The following STXBP5L variants were observed in gnomAD, a reference collection of about 807,000 sequenced individuals.
STXBP5L encodes the protein syntaxin-binding protein 5-like.
A neutral mutation model predicts 144.5 loss-of-function variants in STXBP5L; 65 were observed. The observed-to-expected ratio is 0.45, with a 90% CI of 0.37 to 0.55. The LOEUF is 0.55. Among genes scored for constraint, STXBP5L ranks in the 20% least tolerant of loss-of-function variants. The pLI is 0.00. For missense variants in STXBP5L, 1,298 were observed against 1,405.5 expected (o/e 0.92, Z 1.22); for synonymous variants, 505 against 469.6 (o/e 1.08, Z -0.97).
Position 120,908,350 on chromosome 3 carries a change from G to C in STXBP5L, c.-9+16G>C, listed in dbSNP as rs1361832456. 1 of 154,212 alleles carries C rather than the reference G, an allele frequency of 6.5e-6. No individual in the cohort carries two copies. The highest frequency in any genetic ancestry group is 1.4e-5 in the Non-Finnish European group (1 of 69,542). The allele number at this position is 154,212 out of a possible 1,614,324, so 9.6% of individuals were successfully genotyped here. On this transcript the variant is annotated intron_variant, in intron 1 of 26. Transcript: ENST00000471454. ...TCTGAGGAAGGTGCCTAAGTCCTGG[G>C]TCAGATAGTCATCCCTCTGGGACGC...
intron 5 of STXBP5L, among the ~76,000 whole-genome samples, chr3:121,087,340 A>C (rs965406236): frequency 6.6e-6 from 1 of 151,950 alleles, no homozygotes; most frequent in African/African-American, 2.4e-5. Context: ...GTCATGTTTT[A>C]TTTAATGTAT....
At chr3:121,338,210 C>G (rs753810114) in intron 20 of STXBP5L, among the ~76,000 whole-genome samples, 13 of 151,770 alleles carry the variant, frequency 8.6e-5, no homozygotes, top group Non-Finnish European at 1.9e-4. Flanking sequence ...AAGATCAGAG[C>G]AGAACTAAAT....
intron 22 of STXBP5L, among the ~76,000 whole-genome samples, chr3:121,384,722 G>GT (rs560773021): frequency 6.6e-5 from 10 of 151,224 alleles, no homozygotes; most frequent in East Asian, 1.9e-4. Flanking sequence ...AAAACATTGG[G>GT]TTTTTTTTCA....
chr3:121,121,604 T>G, intron 6 of STXBP5L, 37 bp from the exon 7 acceptor site: 1 of 1,484,082 alleles, frequency 6.7e-7, no homozygotes, highest in Non-Finnish European at 9.3e-7. Context: ...TATTTTAATG[T>G]TTGGTTTTTA....
At chr3:121,087,987 T>C (rs2042582758) in intron 5 of STXBP5L, among the ~76,000 whole-genome samples, 1 of 152,134 alleles carries the variant, frequency 6.6e-6, no homozygotes. Flanking sequence ...AATTTTATTG[T>C]TTTTCCCTAT....
intron 3 of STXBP5L, among the ~76,000 whole-genome samples, chr3:121,025,286 C>T (rs1281347610): frequency 6.6e-6 from 1 of 152,008 alleles, no homozygotes; most frequent in African/African-American, 2.4e-5. Context: ...AAAATGATTC[C>T]TTGGACAGCT....
At chr3:121,222,589 C>G (rs1056107052) in intron 10 of STXBP5L, among the ~76,000 whole-genome samples, 1 of 149,784 alleles carries the variant, frequency 6.7e-6, no homozygotes, top group Non-Finnish European at 1.5e-5. Flanking sequence ...TGTCTCTTTT[C>G]TCTTGTACAG....
chr3:120,955,634 G>T (rs1166686335), intron 3 of STXBP5L, among the ~76,000 whole-genome samples: 1 of 151,896 alleles, frequency 6.6e-6, no homozygotes, highest in Non-Finnish European at 1.5e-5. Flanking sequence ...ATAATACAGA[G>T]ATATCCATAT....
chr3:121,004,653 T>G (rs568168573), intron 3 of STXBP5L, among the ~76,000 whole-genome samples: 2 of 152,194 alleles, frequency 1.3e-5, no homozygotes, highest in South Asian at 4.1e-4. Flanking sequence ...ATGCTTCCAG[T>G]TTTTGCCCAT....
intron 2 of STXBP5L, among the ~76,000 whole-genome samples, chr3:120,914,695 C>T (rs1432001106): frequency 6.6e-6 from 1 of 152,034 alleles, no homozygotes; most frequent in Non-Finnish European, 1.5e-5. Flanking sequence ...ATAAAGTTTT[C>T]ATCCATAAAA....
chr3:120,931,659 G>A (rs1709944875), intron 2 of STXBP5L, among the ~76,000 whole-genome samples: 1 of 152,064 alleles, frequency 6.6e-6, no homozygotes, highest in African/African-American at 2.4e-5. Context: ...TTAAGAACTA[G>A]ATAAGAAAAA....
At chr3:121,404,350 C>T (rs2046949551) in intron 22 of STXBP5L, among the ~76,000 whole-genome samples, 1 of 152,128 alleles carries the variant, frequency 6.6e-6, no homozygotes, top group African/African-American at 2.4e-5. Flanking sequence ...CCACACAGTT[C>T]AACCAAGCCT....
chr3:121,075,309 G>T (rs758707229), intron 5 of STXBP5L, among the ~76,000 whole-genome samples: 4 of 152,080 alleles, frequency 2.6e-5, no homozygotes, highest in Non-Finnish European at 5.9e-5. Context: ...TTCTGGCTTA[G>T]CTTACTGGTT....
At chr3:121,011,244 G>A (rs1275959582) in intron 3 of STXBP5L, among the ~76,000 whole-genome samples, 1 of 150,982 alleles carries the variant, frequency 6.6e-6, no homozygotes, top group Non-Finnish European at 1.5e-5. Flanking sequence ...CTAGAAAAGT[G>A]TCTCTGAATC....
At chr3:121,050,846 T>G (rs369815999) in intron 5 of STXBP5L, among the ~76,000 whole-genome samples, 3 of 152,044 alleles carry the variant, frequency 2.0e-5, no homozygotes, top group East Asian at 1.9e-4. Flanking sequence ...ACCCATCTCA[T>G]GTGCAGAGAC....
intron 5 of STXBP5L, among the ~76,000 whole-genome samples, chr3:121,097,500 G>C (rs1041332564): frequency 6.6e-6 from 1 of 152,320 alleles, no homozygotes; most frequent in African/African-American, 2.4e-5. Context: ...GACAAATGCA[G>C]TATCTGGGCT....
At chr3:120,913,809 G>A (rs1164733253) in intron 2 of STXBP5L, among the ~76,000 whole-genome samples, 5 of 151,962 alleles carry the variant, frequency 3.3e-5, no homozygotes, top group African/African-American at 1.2e-4. Flanking sequence ...GTTCACATCT[G>A]TATCATCTAT....
In STXBP5L at chr3:120,920,713, A is replaced by G. The variant is rs970196475; in HGVS notation, c.189+10946A>G. On this transcript the variant is annotated intron_variant, in intron 2 of 26. Transcript: ENST00000471454. ...TCTGTCTTCATGAGATGTACTTTTT[A>G]GCTCCTACCTGAGTGAGAACCTGTG... Among the ~76,000 whole-genome samples the G allele has an allele frequency of 6.6e-5, 10 of 151,878 alleles. 1 individual carries two copies. The South Asian group carries it at 8.3e-4, about 13-fold the overall frequency.
intron 5 of STXBP5L, among the ~76,000 whole-genome samples, chr3:121,105,563 G>A (rs1333899911): frequency 1.3e-5 from 2 of 152,072 alleles, no homozygotes; most frequent in Non-Finnish European, 2.9e-5. Flanking sequence ...AATAGGCGTT[G>A]GCGTGGATGT....
Sources: gnomAD v4.1 joint callset for allele counts (sites outside exome capture counted in the v4.1 genomes callset) on GRCh38, gnomAD v4.1.1 for gene constraint, MANE v1.5 for transcripts, NCBI Gene and HGNC (gene_info 2026-07-23, HGNC 2026-07-21) for gene names.